B3GALT1: variants seen among roughly 807,000 people sequenced by gnomAD.
The protein encoded by B3GALT1 is beta-1,3-galactosyltransferase 1.
A neutral mutation model predicts 23.2 loss-of-function variants in B3GALT1; 10 were observed. The observed-to-expected ratio is 0.43, with a 90% CI of 0.27 to 0.73. The LOEUF (loss-of-function observed/expected upper bound fraction) is 0.73, where lower values mean the gene tolerates loss of function less well. B3GALT1 is among the 30% of genes least tolerant of loss of function. B3GALT1 has a pLI of 0.21. For missense variants in B3GALT1, 299 were observed against 405.4 expected, an observed-to-expected ratio of 0.74 and a Z score of 2.25; for synonymous variants, 156 against 141.5, an observed-to-expected ratio of 1.10 and a Z score of -0.73.
At chr2:167,696,423 A>G (rs769146413) in intron 3 of B3GALT1, among the ~76,000 whole-genome samples, 3 of 151,864 alleles carry the variant, frequency 2.0e-5, no homozygotes, top group Non-Finnish European at 4.4e-5. Flanking sequence ...TATGGTGATT[A>G]TGTTGTACTA....
At chr2:167,573,424 C>T (rs1433008661) in intron 2 of B3GALT1, among the ~76,000 whole-genome samples, 1 of 151,642 alleles carries the variant, frequency 6.6e-6, no homozygotes, top group African/African-American at 2.4e-5. Flanking sequence ...CAGTTTCATT[C>T]CAGTGGTTAT....
intron 3 of B3GALT1, among the ~76,000 whole-genome samples, chr2:167,696,110 T>A (rs1686788026): frequency 6.6e-6 from 1 of 152,052 alleles, no homozygotes; most frequent in African/African-American, 2.4e-5. Context: ...AGAATGGACA[T>A]TGGAATAAAA....
chr2:167,748,143 T>TGA (rs1687680309), intron 3 of B3GALT1, among the ~76,000 whole-genome samples: 1 of 152,192 alleles, frequency 6.6e-6, no homozygotes, highest in Non-Finnish European at 1.5e-5. Context: ...AGTTAGACTA[T>TGA]GATACGAGCT....
At chr2:167,519,372 A>G (rs1700153563) in intron 2 of B3GALT1, among the ~76,000 whole-genome samples, 1 of 152,038 alleles carries the variant, frequency 6.6e-6, no homozygotes, top group Admixed American at 6.6e-5. Context: ...ACCAAACTTA[A>G]AAACACATTC....
At chr2:167,515,060 A>G (rs2105357413) in intron 2 of B3GALT1, among the ~76,000 whole-genome samples, 1 of 152,276 alleles carries the variant, frequency 6.6e-6, no homozygotes, top group South Asian at 2.1e-4. Flanking sequence ...GATAATTTTG[A>G]AGCTAATTTG....
chr2:167,435,456 A>G, intron 1 of B3GALT1, among the ~76,000 whole-genome samples: 1 of 144,530 alleles, frequency 6.9e-6, no homozygotes, highest in Non-Finnish European at 1.5e-5. Context: ...AAAAAAAAAA[A>G]AAAAAAGCAG....
intron 3 of B3GALT1, among the ~76,000 whole-genome samples, chr2:167,763,500 C>T (rs1687926335): frequency 1.3e-5 from 2 of 151,888 alleles, no homozygotes; most frequent in South Asian, 4.2e-4. Context: ...TCACTAGAGC[C>T]TCCTCTATGT....
At chr2:167,308,604 T>C (rs549373819) in intron 1 of B3GALT1, among the ~76,000 whole-genome samples, 1 of 152,070 alleles carries the variant, frequency 6.6e-6, no homozygotes, top group African/African-American at 2.4e-5. Context: ...TGGCTACTAC[T>C]ATCTAATGTT....
intron 3 of B3GALT1, among the ~76,000 whole-genome samples, chr2:167,662,235 T>C (rs963087847): frequency 6.6e-6 from 1 of 152,160 alleles, no homozygotes; most frequent in South Asian, 2.1e-4. Flanking sequence ...ATCCAGATGC[T>C]TGTCCACAAG....
intron 1 of B3GALT1, among the ~76,000 whole-genome samples, chr2:167,433,760 T>C (rs1698738202): frequency 6.6e-6 from 1 of 152,072 alleles, no homozygotes; most frequent in Non-Finnish European, 1.5e-5. Flanking sequence ...AAACGAAAAT[T>C]CTATTAAAAC....
At position 167,353,533 on chromosome 2, in the gene B3GALT1, A is replaced by G. The variant is rs551972887; in HGVS notation, c.-511+60199A>G. Reference sequence around the variant, plus strand: ...AGCATTCTCAATGTTGCTGGGTAGGATATTCTCTAAAGTCTTGGGGTGTCT... The same window carrying G: ...AGCATTCTCAATGTTGCTGGGTAGGGTATTCTCTAAAGTCTTGGGGTGTCT... On this transcript the variant is annotated intron_variant, in intron 1 of 4. Coordinates refer to ENST00000392690, the MANE Select transcript of B3GALT1 (RefSeq NM_020981.4). 1.9e-4 allele frequency among the ~76,000 whole-genome samples: 29 copies of G among 151,884 alleles called. No homozygotes were observed. The East Asian group carries it at 5.6e-3, about 29-fold the overall frequency.
At chr2:167,663,422 C>T (rs566232375) in intron 3 of B3GALT1, among the ~76,000 whole-genome samples, 96 of 152,028 alleles carry the variant, frequency 6.3e-4, no homozygotes, top group African/African-American at 1.8e-3. Flanking sequence ...AATAAACATA[C>T]GTGTGCATGT....
intron 2 of B3GALT1, among the ~76,000 whole-genome samples, chr2:167,542,573 T>G (rs904587820): frequency 2.0e-5 from 3 of 152,178 alleles, no homozygotes; most frequent in Admixed American, 1.3e-4. Flanking sequence ...TTCAGCAGAA[T>G]GCTTTTACAG....
intron 3 of B3GALT1, among the ~76,000 whole-genome samples, chr2:167,792,037 T>C (rs1443245402): frequency 6.6e-6 from 1 of 152,002 alleles, no homozygotes; most frequent in Non-Finnish European, 1.5e-5. Context: ...TTATCAATAA[T>C]TCCTGAACGA....
intron 1 of B3GALT1, among the ~76,000 whole-genome samples, chr2:167,459,961 T>A (rs1158828981): frequency 6.6e-6 from 1 of 152,204 alleles, no homozygotes; most frequent in African/African-American, 2.4e-5. Context: ...TCTAAAATTC[T>A]GGTGAGAAAT....
At chr2:167,358,179 AT>A (rs772621050) in intron 1 of B3GALT1, among the ~76,000 whole-genome samples, 43 of 152,192 alleles carry the variant, frequency 2.8e-4, no homozygotes, top group Non-Finnish European at 5.0e-4. Flanking sequence ...GTCGGAGCCA[AT>A]TACATTAGAA....
At chr2:167,629,944 G>C (rs758325698) in intron 2 of B3GALT1, among the ~76,000 whole-genome samples, 6 of 151,586 alleles carry the variant, frequency 4.0e-5, no homozygotes, top group Admixed American at 6.6e-5. Flanking sequence ...TGGTCTCTCT[G>C]GGCATTTTTT....
intron 1 of B3GALT1, among the ~76,000 whole-genome samples, chr2:167,363,203 C>T (rs1049841823): frequency 6.6e-6 from 1 of 151,600 alleles, no homozygotes; most frequent in African/African-American, 2.4e-5. Context: ...AACTGTGCCA[C>T]CGCACCCAGG....
chr2:167,364,623 A>T (rs1697558265), intron 1 of B3GALT1, among the ~76,000 whole-genome samples: 1 of 152,162 alleles, frequency 6.6e-6, no homozygotes, highest in Non-Finnish European at 1.5e-5. Flanking sequence ...TTTGCTCAGA[A>T]TGATGGTTTC....
Sources: allele counts gnomAD v4.1 joint callset (sites outside exome capture counted in the v4.1 genomes callset), GRCh38; gene constraint gnomAD v4.1.1; transcripts MANE v1.5; gene names NCBI Gene and HGNC (gene_info 2026-07-23, HGNC 2026-07-21).